LRCH3: variants seen among roughly 807,000 people sequenced by gnomAD.
The protein encoded by LRCH3 is leucine rich repeats and calponin homology domain containing 3.
In LRCH3, 68 loss-of-function variants were observed where a neutral mutation model predicts 104.5. That is an observed-to-expected ratio of 0.65 (90% CI 0.54 to 0.80). The LOEUF is 0.80. LRCH3 is among the 30% of genes least tolerant of loss of function. The pLI is 0.00. For synonymous variants in LRCH3, 344 were observed against 361.3 expected, an observed-to-expected ratio of 0.95 and a Z score of 0.54; for missense variants, 951 against 953.9, an observed-to-expected ratio of 1.00 and a Z score of 0.04.
At chr3:197,835,129 G>A (rs1736574030) in intron 8 of LRCH3, among the ~76,000 whole-genome samples, 1 of 152,082 alleles carries the variant, frequency 6.6e-6, no homozygotes, top group Non-Finnish European at 1.5e-5. Context: ...GGATGACAAA[G>A]GGAGACCCTG....
intron 3 of LRCH3, among the ~76,000 whole-genome samples, chr3:197,819,378 A>G (rs913492534): frequency 1.3e-4 from 20 of 151,008 alleles, no homozygotes; most frequent in African/African-American, 4.9e-4. Flanking sequence ...TATCCTTTCA[A>G]CTTCTTTTAG....
intron 10 of LRCH3, among the ~76,000 whole-genome samples, chr3:197,846,075 G>A (rs1415294278): frequency 6.6e-6 from 1 of 152,038 alleles, no homozygotes; most frequent in East Asian, 1.9e-4. Context: ...TAGTAATCTA[G>A]GGAGAAAGTT....
At chr3:197,804,373 A>G (rs1329445959) in intron 1 of LRCH3, among the ~76,000 whole-genome samples, 3 of 151,396 alleles carry the variant, frequency 2.0e-5, no homozygotes, top group Non-Finnish European at 2.9e-5. Flanking sequence ...GGATATGTAC[A>G]TGGTTAGAGT....
At chr3:197,840,326 T>C (rs6791817) in intron 10 of LRCH3, among the ~76,000 whole-genome samples, 87,844 of 151,968 alleles carry the variant, frequency 0.58, 25,728 homozygotes, top group African/African-American at 0.67. Flanking sequence ...TAATTCCAGC[T>C]ACAGGTGGCA....
Position 197,817,166 on chromosome 3 carries a change from A to G in LRCH3, c.408-10A>G. ...CTCTGATTCTTCTCTCTTTCTACTTACCCATTTAGTCGGAACCAACTGTCA... is the reference window on the plus strand; with the variant it reads ...CTCTGATTCTTCTCTCTTTCTACTTGCCCATTTAGTCGGAACCAACTGTCA... On this transcript the variant is annotated splice_polypyrimidine_tract_variant and intron_variant, in intron 2 of 20. Coordinates refer to ENST00000425562, the MANE Select transcript of LRCH3 (RefSeq NM_001365715.1). 1 of 1,587,684 alleles carries G rather than the reference A, an allele frequency of 6.3e-7. No individual in the cohort carries two copies. The highest frequency in any genetic ancestry group is 8.6e-7 in the Non-Finnish European group (1 of 1,167,896).
intron 10 of LRCH3, among the ~76,000 whole-genome samples, chr3:197,840,004 G>A (rs920457518): frequency 1.5e-4 from 22 of 151,122 alleles, no homozygotes; most frequent in Admixed American, 7.2e-4. Context: ...TACAAAAAAC[G>A]AATTTCGAGA....
chr3:197,883,519 C>T lies in LRCH3; in HGVS notation c.2209-22C>T. 1 of 1,522,516 alleles carries T rather than the reference C, an allele frequency of 6.6e-7. No homozygotes were observed. The highest frequency in any genetic ancestry group is 2.1e-5 in the Admixed American group (1 of 48,234). 94.3% of individuals were successfully genotyped at this position (1,522,516 alleles called of 1,614,324 possible). ...TCCGATTTTCTTTTTTGTTTGTTTT[C>T]ATGTTACGTTGTCCCTTTCAGGAGC... is the stretch of plus-strand genomic sequence containing the variant. On this transcript the variant is annotated intron_variant, in intron 20 of 20. Transcript: ENST00000425562. This position sits in a 1 kb window ranked among gnomAD's most constrained non-coding sequence, Gnocchi z 4.2.
intron 3 of LRCH3, among the ~76,000 whole-genome samples, chr3:197,819,887 G>A (rs7614369): frequency 0.012 from 1,826 of 151,976 alleles, 27 homozygotes; most frequent in African/African-American, 0.04. Flanking sequence ...TTAAAAAAAA[G>A]AAAATAGAGA....
intron 1 of LRCH3, among the ~76,000 whole-genome samples, chr3:197,811,261 C>T (rs1382875251): frequency 6.6e-6 from 1 of 152,002 alleles, no homozygotes; most frequent in Non-Finnish European, 1.5e-5. Flanking sequence ...TCTTTAGGGA[C>T]TTTTTGAAAA....
intron 20 of LRCH3, among the ~76,000 whole-genome samples, chr3:197,879,986 C>T (rs9682316): frequency 0.12 from 18,643 of 150,166 alleles, 1,518 homozygotes; most frequent in South Asian, 0.23. Context: ...CGCTCTGTCA[C>T]CCAGGCTGGA....
At position 197,817,342 on chromosome 3, in the gene LRCH3, G is replaced by GTATTT. The variant is rs1553916520; in HGVS notation, c.534+41_534+42insATTTT. On this transcript the variant is annotated intron_variant, in intron 3 of 20. Coordinates refer to ENST00000425562, the MANE Select transcript of LRCH3 (RefSeq NM_001365715.1). ...TTGATTGTCCAACATGTGTGTGTGTGTGTCTGTGTGTGTGTGTGTATATAT... is the reference window on the plus strand; with the variant it reads ...TTGATTGTCCAACATGTGTGTGTGTGTATTTTGTCTGTGTGTGTGTGTGTATATAT... 4 of 308,080 alleles carry GTATTT rather than the reference G, an allele frequency of 1.3e-5. 1 individual carries two copies. The highest frequency in any genetic ancestry group is 3.3e-4 in the Admixed American group (2 of 6,152). The allele number at this position is 308,080 out of a possible 1,614,324, so 19.1% of individuals were successfully genotyped here.
intron 2 of LRCH3, 93 bp from the exon 3 acceptor site, chr3:197,817,083 T>A (rs895636720): frequency 3.6e-6 from 4 of 1,116,568 alleles, no homozygotes; most frequent in Non-Finnish European, 4.9e-6. Flanking sequence ...AAGACTCATA[T>A]TTGTTATTTT....
At chr3:197,815,469 AGT>A (rs1733698003) in intron 2 of LRCH3, among the ~76,000 whole-genome samples, 3 of 152,320 alleles carry the variant, frequency 2.0e-5, no homozygotes, top group Admixed American at 2.0e-4. Flanking sequence ...AGTGTAGTAA[AGT>A]GTGGTTTCTA....
intron 10 of LRCH3, among the ~76,000 whole-genome samples, chr3:197,846,556 A>C (rs576935537): frequency 1.9e-4 from 29 of 151,410 alleles, no homozygotes; most frequent in Non-Finnish European, 2.5e-4. Flanking sequence ...AAAAAAAAAA[A>C]ACAAAAAAAA....
At position 197,865,475 on chromosome 3, in the gene LRCH3, A is replaced by G. The variant is rs779657606; in HGVS notation, c.1765+4A>G. On this transcript the variant is annotated splice_donor_region_variant and intron_variant, in intron 16 of 20. Coordinates refer to ENST00000425562, the MANE Select transcript of LRCH3 (RefSeq NM_001365715.1). The stretch of plus-strand genomic sequence containing the variant: ...AGTTCACCTGCAACAGAAACAGGTA[A>G]TAGACACAAAGGTGCAATTAACCAC... The G allele has an allele frequency of 1.3e-6, 2 of 1,531,814 alleles. No homozygotes were observed. The highest frequency in any genetic ancestry group is 1.2e-5 in the South Asian group (1 of 80,444). 94.9% of individuals were successfully genotyped at this position (1,531,814 alleles called of 1,614,324 possible).
At chr3:197,807,015 G>A (rs1290034744) in intron 1 of LRCH3, among the ~76,000 whole-genome samples, 1 of 134,388 alleles carries the variant, frequency 7.4e-6, no homozygotes, top group Non-Finnish European at 1.6e-5. Flanking sequence ...CCCTAGCCTG[G>A]GCGACAGGGC....
chr3:197,872,890 C>G (rs1712392772), intron 19 of LRCH3, among the ~76,000 whole-genome samples: 1 of 152,016 alleles, frequency 6.6e-6, no homozygotes, highest in Non-Finnish European at 1.5e-5. Context: ...AGAAAGATGC[C>G]CAATTAAAAG....
chr3:197,835,231 T>G (rs62283991), intron 8 of LRCH3, among the ~76,000 whole-genome samples: 12,441 of 152,196 alleles, frequency 0.082, 700 homozygotes, highest in South Asian at 0.17. Context: ...TCACCCAAGC[T>G]GGAGTGCAGT....
At position 197,883,472 on chromosome 3, in the gene LRCH3, C is replaced by T; in HGVS notation, c.2209-69C>T. 2.0e-6 allele frequency: 3 copies of T among 1,475,410 alleles called. No individual in the cohort carries two copies. Among genetic ancestry groups the T allele is most frequent in the South Asian group, 2.6e-5 (2 of 75,612 alleles). 91.4% of individuals were successfully genotyped at this position (1,475,410 alleles called of 1,614,324 possible). A position where few individuals can be genotyped will look rare whatever the true frequency, so the allele number is the denominator to read the frequency against. Reference sequence around the variant, plus strand: ...TGAAGGGGAGAAGTGCTTATTTTTTCCTTTCAGTTCTATGATATTCATCCG... The same window carrying T: ...TGAAGGGGAGAAGTGCTTATTTTTTTCTTTCAGTTCTATGATATTCATCCG... On this transcript the variant is annotated intron_variant, in intron 20 of 20. Coordinates refer to ENST00000425562, the MANE Select transcript of LRCH3 (RefSeq NM_001365715.1). The surrounding 1 kb of genome is among the most constrained non-coding windows in gnomAD (Gnocchi z 4.2).
Sources: gnomAD v4.1 joint callset for allele counts (sites outside exome capture counted in the v4.1 genomes callset) on GRCh38, gnomAD v4.1.1 for gene constraint, Gnocchi (gnomAD v3.1) non-coding constraint, MANE v1.5 for transcripts, NCBI Gene and HGNC (gene_info 2026-07-23, HGNC 2026-07-21) for gene names.